The following SLC19A1 variants were observed in gnomAD, a reference collection of about 807,000 sequenced individuals.
SLC19A1 encodes the protein reduced folate transporter.
In SLC19A1, 37 loss-of-function variants were observed where a neutral mutation model predicts 35.3. The observed-to-expected ratio is 1.05, with a 90% confidence interval of 0.81 to 1.38. The LOEUF (loss-of-function observed/expected upper bound fraction) is 1.38. Among genes scored for constraint, SLC19A1 ranks in the 40% most tolerant of loss-of-function variants. The pLI is 0.00. For synonymous variants in SLC19A1, 460 were observed against 398.5 expected (o/e 1.15, Z -1.84); for missense variants, 831 against 826.9 (o/e 1.00, Z -0.06).
intron 1 of SLC19A1, among the ~76,000 whole-genome samples, chr21:45,553,527 A>G (rs909116456): frequency 2.6e-5 from 4 of 151,644 alleles, no homozygotes; most frequent in Non-Finnish European, 5.9e-5. Flanking sequence ...GGCATTAAGG[A>G]CATTCACACT....
Position 45,534,627 on chromosome 21 carries a change from T to C in SLC19A1, c.190-2479A>G. On this transcript the variant is annotated intron_variant, in intron 2 of 5. Coordinates refer to ENST00000311124, the MANE Select transcript of SLC19A1 (RefSeq NM_194255.4). The surrounding 1 kb of genome is among the most constrained non-coding windows in gnomAD (Gnocchi z 4.2). Reference sequence around the variant, plus strand: ...CTCATCAGGCACCTCCTGGTCTTAGTTGAGGGTCTGAGCGCAGAGCTCCCC... The same window carrying C: ...CTCATCAGGCACCTCCTGGTCTTAGCTGAGGGTCTGAGCGCAGAGCTCCCC... The C allele has an allele frequency of 3.3e-6, 5 of 1,535,206 alleles. No homozygotes were observed. Among genetic ancestry groups the C allele is most frequent in the South Asian group, 1.2e-5 (1 of 84,054 alleles).
intron 5 of SLC19A1, among the ~76,000 whole-genome samples, 180 bp downstream of exon 5, chr21:45,525,637 G>A (rs764400203): frequency 2.0e-5 from 3 of 152,194 alleles, no homozygotes; most frequent in Admixed American, 6.5e-5. Context: ...ACTGAGCCCC[G>A]CTAGGGTCTC....
intron 3 of SLC19A1, among the ~76,000 whole-genome samples, chr21:45,503,134 A>C (rs1377045280): frequency 6.6e-6 from 1 of 152,222 alleles, no homozygotes; most frequent in African/African-American, 2.4e-5. Flanking sequence ...TAGATCCCTG[A>C]GGAATCGCCA....
downstream of SLC19A1, among the ~76,000 whole-genome samples, chr21:45,508,901 G>A (rs1439640038): frequency 6.6e-6 from 1 of 152,182 alleles, no homozygotes; most frequent in African/African-American, 2.4e-5. Context: ...AGGGCCGTGG[G>A]GAAAGGTGCA....
chr21:45,528,573 C>G (rs2077733488), intron 4 of SLC19A1, among the ~76,000 whole-genome samples: 1 of 152,156 alleles, frequency 6.6e-6, no homozygotes, highest in Admixed American at 6.5e-5. Context: ...CTGCAGGGTA[C>G]CTGCAATATT....
chr21:45,504,510 C>A (rs984834874), intron 3 of SLC19A1: 10 of 1,414,932 alleles, frequency 7.1e-6, no homozygotes, highest in Non-Finnish European at 8.4e-6. Flanking sequence ...CCCGGCCCCC[C>A]CGGCCCCCCA....
chr21:45,525,425 C>T lies in SLC19A1; in HGVS notation c.1293+392G>A, dbSNP rs555675880. Among the ~76,000 whole-genome samples, 9 of 152,364 alleles carry T rather than the reference C, an allele frequency of 5.9e-5. No individual in the cohort carries two copies. In the East Asian group the frequency reaches 1.4e-3, roughly 23 times the overall value. On this transcript the variant is annotated intron_variant, in intron 5 of 5. Coordinates refer to ENST00000311124, the MANE Select transcript of SLC19A1 (RefSeq NM_194255.4). Reference sequence around the variant, plus strand: ...GGGAGGGCACCCGCAGAGGCCTGCGCACTGACACTGCTGAGTGGCTCTGCT... The same window carrying T: ...GGGAGGGCACCCGCAGAGGCCTGCGTACTGACACTGCTGAGTGGCTCTGCT...
intron 1 of SLC19A1, among the ~76,000 whole-genome samples, chr21:45,554,855 T>G (rs914706885): frequency 1.3e-5 from 2 of 151,848 alleles, no homozygotes; most frequent in Admixed American, 1.3e-4. Flanking sequence ...ACTGTCCAGA[T>G]TCATTGAGTC....
rs376071998 is a variant in SLC19A1, at chr21:45,515,783, C to T, written c.1651G>A (p.Ala551Thr). ...TTPSPCTLCS[A>T]QASGPEAADE... The stretch of plus-strand genomic sequence containing the variant: ...GCAGCCTCAGGGCCTGAGGCTTGGG[C>T]GGAGCACAGAGTGCAGGGGGAAGGG... The change falls in exon 6 of 6, where the codon GCC (alanine) becomes ACC (threonine). Residue 551 changes from alanine to threonine, a missense_variant. Ala to Thr is a moderately conservative substitution (Grantham distance 58, BLOSUM62 0). Transcript: ENST00000311124. 4.5e-5 allele frequency: 72 copies of T among 1,613,396 alleles called. No individual in the cohort carries two copies. The Admixed American group carries it at 7.7e-4, about 17-fold the overall frequency.
intron 2 of SLC19A1, among the ~76,000 whole-genome samples, 177 bp downstream of exon 2, chr21:45,537,594 C>G (rs2297292): frequency 2.2e-5 from 1 of 45,566 alleles, no homozygotes; most frequent in Non-Finnish European, 5.7e-5. Context: ...AGCTGCTCCC[C>G]GCCCACCCAC....
At chr21:45,549,280 G>T (rs779250471), upstream of SLC19A1, among the ~76,000 whole-genome samples, 1 of 152,188 alleles carries the variant, frequency 6.6e-6, no homozygotes, top group Non-Finnish European at 1.5e-5. Context: ...ATCTGTAGGG[G>T]AGGGAGGCTC....
chr21:45,545,164 C>T (rs1434304512), upstream of SLC19A1, among the ~76,000 whole-genome samples: 4 of 152,322 alleles, frequency 2.6e-5, no homozygotes, highest in East Asian at 1.9e-4. Flanking sequence ...TGCGCAGACA[C>T]GCACACACAC....
At chr21:45,532,199 G>A (rs1285711308) in intron 2 of SLC19A1, 51 bp from the exon 3 acceptor site, 10 of 1,476,146 alleles carry the variant, frequency 6.8e-6, no homozygotes, top group African/African-American at 1.4e-5. Context: ...TGCTGCCGCT[G>A]CGGCAGACAC....
intron 2 of SLC19A1, among the ~76,000 whole-genome samples, chr21:45,532,386 G>C (rs1203656695): frequency 6.6e-6 from 1 of 152,228 alleles, no homozygotes; most frequent in Non-Finnish European, 1.5e-5. Flanking sequence ...AGCTGGCAGT[G>C]GCCACAGAAG....
At chr21:45,550,063 T>G (rs1448500002) in intron 1 of SLC19A1, among the ~76,000 whole-genome samples, 1 of 152,038 alleles carries the variant, frequency 6.6e-6, no homozygotes, top group Non-Finnish European at 1.5e-5. Context: ...GTTGCAGCAT[T>G]GGCCAAAAGT....
At chr21:45,561,540 C>A (rs1024271397) in intron 1 of SLC19A1, among the ~76,000 whole-genome samples, 1 of 152,122 alleles carries the variant, frequency 6.6e-6, no homozygotes, top group South Asian at 2.1e-4. Flanking sequence ...GTGGGCAGAT[C>A]ACCTGAGGTT....
At chr21:45,532,947 A>T (rs1004949158) in intron 2 of SLC19A1, among the ~76,000 whole-genome samples, 1 of 152,190 alleles carries the variant, frequency 6.6e-6, no homozygotes, top group Non-Finnish European at 1.5e-5. Flanking sequence ...CGGCAGGGGA[A>T]GAAAGACAGG....
At position 45,530,789 on chromosome 21, in the gene SLC19A1, A is replaced by C. The variant is rs1468852390; in HGVS notation, c.1132T>G (p.Phe378Val). Residue 378 changes from phenylalanine to valine, a missense_variant, in exon 4 of 6, where the codon TTC becomes GTC. Coordinates refer to ENST00000311124, the MANE Select transcript of SLC19A1 (RefSeq NM_194255.4). This position sits in a 1 kb window ranked among gnomAD's most constrained non-coding sequence, Gnocchi z 5.3. ...AFVLFRGSYQFLVPIATFQIA... is the reference protein window; with the variant it reads ...AFVLFRGSYQVLVPIATFQIA... Reference sequence around the variant, plus strand: ...ACTCACGTGGCGATGGGCACGAGGAACTGGTAGGAGCCGCGGAACAGCACG... The same window carrying C: ...ACTCACGTGGCGATGGGCACGAGGACCTGGTAGGAGCCGCGGAACAGCACG... The C allele has an allele frequency of 6.4e-7, 1 of 1,563,938 alleles. No individual in the cohort carries two copies. The highest frequency in any genetic ancestry group is 8.7e-7 in the Non-Finnish European group (1 of 1,154,466).
rs769966795 is a variant in SLC19A1 at position 45,530,681 on chromosome 21, C to T, written c.1151+89G>A. On this transcript the variant is annotated intron_variant, in intron 4 of 5. Coordinates refer to ENST00000311124, the MANE Select transcript of SLC19A1 (RefSeq NM_194255.4). This position sits in a 1 kb window ranked among gnomAD's most constrained non-coding sequence, Gnocchi z 5.3. Reference sequence around the variant, plus strand: ...GCCAGCAGTGGCACAGCCGCTGGGGCGCAGCAGGAAGGTGGGAGCACCCAG... The same window carrying T: ...GCCAGCAGTGGCACAGCCGCTGGGGTGCAGCAGGAAGGTGGGAGCACCCAG... The T allele has an allele frequency of 1.3e-5, 17 of 1,353,182 alleles. No homozygotes were observed. The highest frequency in any genetic ancestry group is 1.5e-5 in the African/African-American group (1 of 67,504). The allele number at this position is 1,353,182 out of a possible 1,614,324, so 83.8% of individuals were successfully genotyped here. A position where few individuals can be genotyped will look rare whatever the true frequency, so the allele number is the denominator to read the frequency against.
Sources: gnomAD v4.1 joint callset for allele counts (sites outside exome capture counted in the v4.1 genomes callset) on GRCh38, gnomAD v4.1.1 for gene constraint, Gnocchi (gnomAD v3.1) non-coding constraint, MANE v1.5 for transcripts, NCBI Gene and HGNC (gene_info 2026-07-23, HGNC 2026-07-21) for gene names.